Variants in TMEM140 observed in about 807,000 individuals in gnomAD.
The protein encoded by TMEM140 is transmembrane protein 140.
For missense variants in TMEM140, 236 were observed against 228.5 expected, an observed-to-expected ratio of 1.03 and a Z score of -0.21; for synonymous variants, 107 against 106.8, an observed-to-expected ratio of 1.00 and a Z score of -0.01.
In TMEM140 at chr7:135,161,183, C is replaced by T. The variant is rs1013913486; in HGVS notation, c.-24-3235C>T. Among the ~76,000 whole-genome samples, 1 of 152,130 alleles carries T rather than the reference C, an allele frequency of 6.6e-6. No homozygotes were observed. Among genetic ancestry groups the T allele is most frequent in the African/African-American group, 2.4e-5 (1 of 41,424 alleles). On this transcript the variant is annotated intron_variant, in intron 1 of 1. Transcript: ENST00000275767. The surrounding 1 kb of genome is among the most constrained non-coding windows in gnomAD (Gnocchi z 4.1). ...GCTTCTTGGCTCGTTTTGTTTTGCT[C>T]TACATTAAAAGGTCAGTTGAGAGAA...
rs368157498 is a variant in TMEM140, at chr7:135,164,609, T to C, written c.168T>C (p.Asn56=). ...GCTTCTATAACTTCTGCCTGTGGAA[T>C]GAGGACACCAGCACCCTACAGTGTC... ...RIGFYNFCLW[N]EDTSTLQCHQ... The change falls in exon 2 of 2, where the codon AAT becomes AAC. Residue 56 remains asparagine (N), a synonymous_variant. Transcript: ENST00000275767. 1.2e-6 allele frequency: 2 copies of C among 1,614,138 alleles called. No homozygotes were observed. The highest frequency in any genetic ancestry group is 2.7e-5 in the African/African-American group (2 of 74,942).
intron 1 of TMEM140, among the ~76,000 whole-genome samples, chr7:135,156,410 T>G (rs1001682007): frequency 1.2e-4 from 18 of 152,136 alleles, no homozygotes; most frequent in African/African-American, 4.3e-4. Flanking sequence ...TTATCCTTTT[T>G]TCCTCATTTT....
At chr7:135,157,991 G>A (rs1424027224) in intron 1 of TMEM140, among the ~76,000 whole-genome samples, 3 of 152,142 alleles carry the variant, frequency 2.0e-5, no homozygotes, top group Non-Finnish European at 4.4e-5. Context: ...TTGAGTCTCG[G>A]TCTCACAGCA....
intron 1 of TMEM140, among the ~76,000 whole-genome samples, chr7:135,163,669 G>A (rs139863713): frequency 3.9e-5 from 6 of 152,210 alleles, no homozygotes; most frequent in African/African-American, 1.4e-4. Context: ...AAACAAAAAC[G>A]TCTAAGTTTT....
Position 135,164,603 on chromosome 7 carries a change from G to A in TMEM140, c.162G>A (p.Leu54=). 1 of 1,614,236 alleles carries A rather than the reference G, an allele frequency of 6.2e-7. No homozygotes were observed. The highest frequency in any genetic ancestry group is 1.1e-5 in the South Asian group (1 of 91,090). Residue 54 remains leucine, a synonymous_variant, in exon 2 of 2, where the codon CTG becomes CTA. Coordinates refer to ENST00000275767, the MANE Select transcript of TMEM140 (RefSeq NM_018295.5). ...NLRIGFYNFC[L]WNEDTSTLQC... ...GAATCGGCTTCTATAACTTCTGCCT[G>A]TGGAATGAGGACACCAGCACCCTAC...
At chr7:135,159,901 T>G (rs966595559) in intron 1 of TMEM140, among the ~76,000 whole-genome samples, 8 of 152,174 alleles carry the variant, frequency 5.3e-5, no homozygotes. Flanking sequence ...CTGGGGAGGA[T>G]GGGATGAGAC....
intron 1 of TMEM140, among the ~76,000 whole-genome samples, chr7:135,148,915 T>C (rs1251917816): frequency 2.0e-5 from 3 of 152,218 alleles, no homozygotes; most frequent in Admixed American, 6.5e-5. Context: ...TTAGTTTCAC[T>C]AATAACTTCC....
intron 1 of TMEM140, among the ~76,000 whole-genome samples, chr7:135,158,049 T>G (rs191707349): frequency 6.6e-6 from 1 of 151,734 alleles, no homozygotes; most frequent in East Asian, 1.9e-4. Flanking sequence ...CGGGAGAGCA[T>G]AGATTCCTTG....
At chr7:135,156,041 T>C (rs1047391596) in intron 1 of TMEM140, among the ~76,000 whole-genome samples, 1 of 152,198 alleles carries the variant, frequency 6.6e-6, no homozygotes, top group Non-Finnish European at 1.5e-5. Flanking sequence ...TGTTTTTTTT[T>C]TTCCCTTTAG....
intron 1 of TMEM140, among the ~76,000 whole-genome samples, chr7:135,159,513 T>C (rs1413589629): frequency 2.6e-5 from 4 of 152,178 alleles, no homozygotes; most frequent in Middle Eastern, 3.2e-3. Context: ...TAAGCAGAAA[T>C]CATCTCCCTC....
chr7:135,165,020 G>C lies in TMEM140; in HGVS notation c.*21G>C. ...GCTAAAGGCTTACGTGATTGCAAGG[G>C]TTCAGTTCCAACCATGGTCAGAGGT... On this transcript the variant is annotated 3_prime_UTR_variant, in exon 2 of 2. Transcript: ENST00000275767. 6.4e-7 allele frequency: 1 copy of C among 1,550,462 alleles called. No individual in the cohort carries two copies. Among genetic ancestry groups the C allele is most frequent in the Non-Finnish European group, 8.7e-7 (1 of 1,146,580 alleles).
At chr7:135,154,803 AC>A (rs1829749245) in intron 1 of TMEM140, among the ~76,000 whole-genome samples, 1 of 152,332 alleles carries the variant, frequency 6.6e-6, no homozygotes, top group African/African-American at 2.4e-5. Flanking sequence ...CCATGTGCTG[AC>A]AAAAATAATG....
In TMEM140 at chr7:135,164,584, GCTTCTATAA is replaced by G; in HGVS notation, c.149_157del (p.Tyr50_Phe52del). On this transcript the variant is annotated inframe_deletion, in exon 2 of 2. Transcript: ENST00000275767. Reference sequence around the variant, plus strand: ...ACTGACCTGCCCAACCTGAGAATCGGCTTCTATAACTTCTGCCTGTGGAATGAGGACACC... The same window carrying G: ...ACTGACCTGCCCAACCTGAGAATCGGCTTCTGCCTGTGGAATGAGGACACC... 6.2e-7 allele frequency: 1 copy of G among 1,614,230 alleles called. No homozygotes were observed. The highest frequency in any genetic ancestry group is 8.5e-7 in the Non-Finnish European group (1 of 1,180,032).
chr7:135,152,750 A>C (rs1261603299), intron 1 of TMEM140: 5 of 152,214 alleles, frequency 3.3e-5, no homozygotes, highest in Non-Finnish European at 7.3e-5. Context: ...AATTAAAAGA[A>C]AGGCCCTAGG....
chr7:135,153,476 A>T (rs1167943268), intron 1 of TMEM140, among the ~76,000 whole-genome samples: 2 of 151,078 alleles, frequency 1.3e-5, no homozygotes, highest in Non-Finnish European at 3.0e-5. Flanking sequence ...AAAAAAAAAA[A>T]GTCTAAAAAC....
intron 1 of TMEM140, among the ~76,000 whole-genome samples, chr7:135,149,973 C>A (rs893952274): frequency 2.0e-5 from 3 of 152,098 alleles, no homozygotes; most frequent in Middle Eastern, 3.2e-3. Flanking sequence ...GAATAGAAAT[C>A]TTTATTTTAG....
At chr7:135,149,239 T>C (rs1465152348) in intron 1 of TMEM140, among the ~76,000 whole-genome samples, 1 of 152,186 alleles carries the variant, frequency 6.6e-6, no homozygotes, top group African/African-American at 2.4e-5. Flanking sequence ...TTACTGCAAA[T>C]AGAGAACAAT....
In TMEM140 at chr7:135,164,567, G is replaced by C; in HGVS notation, c.126G>C (p.Leu42=). The C allele has an allele frequency of 6.2e-7, 1 of 1,614,244 alleles. No individual in the cohort carries two copies. Among genetic ancestry groups the C allele is most frequent in the Non-Finnish European group, 8.5e-7 (1 of 1,180,050 alleles). ...LLWEAGNLTD[L]PNLRIGFYNF... ...GGGAGGCTGGCAACCTCACTGACCTGCCCAACCTGAGAATCGGCTTCTATA... is the reference window on the plus strand; with the variant it reads ...GGGAGGCTGGCAACCTCACTGACCTCCCCAACCTGAGAATCGGCTTCTATA... The change falls in exon 2 of 2, where the codon CTG becomes CTC. Residue 42 remains leucine (L), a synonymous_variant. Coordinates refer to ENST00000275767, the MANE Select transcript of TMEM140 (RefSeq NM_018295.5).
chr7:135,149,636 C>G (rs189417638), intron 1 of TMEM140, among the ~76,000 whole-genome samples: 2 of 152,182 alleles, frequency 1.3e-5, no homozygotes, highest in Non-Finnish European at 2.9e-5. Context: ...TGTTCACATC[C>G]ACCATCATTG....
Sources: gnomAD v4.1 joint callset for allele counts (sites outside exome capture counted in the v4.1 genomes callset) on GRCh38, gnomAD v4.1.1 for gene constraint, Gnocchi (gnomAD v3.1) non-coding constraint, MANE v1.5 for transcripts, NCBI Gene and HGNC (gene_info 2026-07-23, HGNC 2026-07-21) for gene names.